Variants in EFR3B observed in about 807,000 individuals in gnomAD.
The protein encoded by EFR3B is protein EFR3 homolog B.
A neutral mutation model predicts 104.7 loss-of-function variants in EFR3B; 64 were observed. That is an observed-to-expected ratio of 0.61 (90% CI 0.50 to 0.75). The LOEUF is 0.75. Among genes scored for constraint, EFR3B ranks in the 30% least tolerant of loss-of-function variants. The pLI is 0.00. For synonymous variants in EFR3B, 385 were observed against 417.9 expected (o/e 0.92, Z 0.96); for missense variants, 750 against 1,078.5 (o/e 0.70, Z 4.27).
chr2:25,131,494 G>T lies in EFR3B; in HGVS notation c.976G>T (p.Gly326Cys). 1 of 1,549,460 alleles carries T rather than the reference G, an allele frequency of 6.5e-7. No individual in the cohort carries two copies. Residue 326 changes from glycine (G) to cysteine (C), a missense_variant, in exon 9 of 23, where the codon GGC (glycine) becomes TGC (cysteine). Transcript: ENST00000403714. This position sits in a 1 kb window ranked among gnomAD's most constrained non-coding sequence, Gnocchi z 7.6. Reference sequence around the variant, plus strand: ...GGAAGCCGCGGTCATCGCTGCCACCGGCTCTGTGGGTAAGGGGCATGGCTA... The same window carrying T: ...GGAAGCCGCGGTCATCGCTGCCACCTGCTCTGTGGGTAAGGGGCATGGCTA... ...LSEAAVIAAT[G>C]SVGPTVLEMF... is the part of the protein sequence containing the mutation.
intron 4 of EFR3B, among the ~76,000 whole-genome samples, chr2:25,104,193 C>CA (rs975446737): frequency 3.2e-4 from 48 of 148,602 alleles, no homozygotes; most frequent in South Asian, 4.3e-4. Context: ...ACTAAAAATA[C>CA]AAAAAAAAAC....
At chr2:25,048,011 C>T (rs747243114) in intron 1 of EFR3B, among the ~76,000 whole-genome samples, 2 of 151,854 alleles carry the variant, frequency 1.3e-5, no homozygotes, top group South Asian at 2.1e-4. Flanking sequence ...TTTGTTTAGA[C>T]GGTTGGAACC....
chr2:25,092,925 A>C (rs180694149), intron 2 of EFR3B, 78 bp from the exon 3 acceptor site: 1 of 1,495,968 alleles, frequency 6.7e-7, no homozygotes, highest in African/African-American at 1.4e-5. Flanking sequence ...GATTCCGTCG[A>C]ATTATTATTT....
At chr2:25,150,001 C>T (rs983262086) in intron 20 of EFR3B, among the ~76,000 whole-genome samples, 4 of 152,102 alleles carry the variant, frequency 2.6e-5, no homozygotes, top group Admixed American at 2.0e-4. Context: ...AAGACAGCTG[C>T]CTTTAAAAGT....
At chr2:25,062,549 A>G (rs1668224090) in intron 1 of EFR3B, among the ~76,000 whole-genome samples, 1 of 152,374 alleles carries the variant, frequency 6.6e-6, no homozygotes, top group South Asian at 2.1e-4. Flanking sequence ...CGGACGGTCA[A>G]GGGCCTGTGC....
chr2:25,080,645 C>G, intron 1 of EFR3B: 1 of 615,662 alleles, frequency 1.6e-6, no homozygotes, highest in Non-Finnish European at 2.9e-6. Context: ...GCACCATTTA[C>G]TAGACAGTCT....
intron 4 of EFR3B, 49 bp downstream of exon 4, chr2:25,103,836 G>A: frequency 1.9e-6 from 3 of 1,547,126 alleles, no homozygotes; most frequent in South Asian, 2.4e-5. Flanking sequence ...CATCCTGGGG[G>A]GTGGCAGGGG....
At chr2:25,104,901 G>T (rs1442109608) in intron 4 of EFR3B, among the ~76,000 whole-genome samples, 3 of 152,196 alleles carry the variant, frequency 2.0e-5, no homozygotes, top group Non-Finnish European at 2.9e-5. Context: ...TTTTGTTAGA[G>T]AAGAGCTATC....
Position 25,110,550 on chromosome 2 carries a change from G to T in EFR3B, c.363+6763G>T, listed in dbSNP as rs539158858. On this transcript the variant is annotated intron_variant, in intron 4 of 22. Transcript: ENST00000403714. The stretch of plus-strand genomic sequence containing the variant: ...CTTCTTCCTCTCCAAAGGGTTCCCA[G>T]CCCCTCCGGAGCCTCCCTGCATCCA... Among the ~76,000 whole-genome samples, 6 of 152,042 alleles carry T rather than the reference G, an allele frequency of 3.9e-5. No homozygotes were observed. In the South Asian group the frequency reaches 1.2e-3, roughly 32 times the overall value.
chr2:25,046,036 T>G (rs1300213786), intron 1 of EFR3B, among the ~76,000 whole-genome samples: 1 of 152,158 alleles, frequency 6.6e-6, no homozygotes, highest in African/African-American at 2.4e-5. Context: ...ATGCCTCTCG[T>G]CCCGCTTAGT....
At chr2:25,066,564 C>T (rs1191153789) in intron 1 of EFR3B, among the ~76,000 whole-genome samples, 1 of 152,204 alleles carries the variant, frequency 6.6e-6, no homozygotes, top group African/African-American at 2.4e-5. Flanking sequence ...ACTGATACTT[C>T]ATCTCCATGG....
intron 16 of EFR3B, 66 bp from the exon 17 acceptor site, chr2:25,141,300 T>C: frequency 6.6e-7 from 1 of 1,516,078 alleles, no homozygotes; most frequent in South Asian, 1.2e-5. Context: ...ATGGGAGCTC[T>C]TTCGTTGCCT....
chr2:25,127,086 G>A (rs1416274159), intron 5 of EFR3B, among the ~76,000 whole-genome samples: 3 of 150,464 alleles, frequency 2.0e-5, no homozygotes, highest in Non-Finnish European at 4.4e-5. Context: ...CAGCTACTCA[G>A]GAGGCCAAGG....
chr2:25,151,383 G>A (rs914991559), intron 20 of EFR3B, among the ~76,000 whole-genome samples: 1 of 151,992 alleles, frequency 6.6e-6, no homozygotes, highest in African/African-American at 2.4e-5. Context: ...AGCCTCCCAA[G>A]TAACTGAGAC....
chr2:25,047,653 C>A (rs1039501794), intron 1 of EFR3B, among the ~76,000 whole-genome samples: 1 of 152,006 alleles, frequency 6.6e-6, no homozygotes, highest in Non-Finnish European at 1.5e-5. Context: ...CGTGTGCCAC[C>A]ACACCTGGCT....
chr2:25,084,586 C>T (rs1159254415), intron 1 of EFR3B, among the ~76,000 whole-genome samples: 1 of 152,008 alleles, frequency 6.6e-6, no homozygotes, highest in Non-Finnish European at 1.5e-5. Flanking sequence ...GAGGACGTGC[C>T]CGTGACACAG....
At position 25,153,714 on chromosome 2, in the gene EFR3B, A is replaced by T. The variant is rs1398746697; in HGVS notation, c.2301A>T (p.Ala767=). Residue 767 remains alanine, a splice_region_variant and synonymous_variant, in exon 22 of 23, where the codon GCA becomes GCT. Transcript: ENST00000403714. Reference sequence around the variant, plus strand: ...CACTTCCGTGTGTTTGTGTCTAGGCATCGCTGCTCCAGAGCAAACTCAATC... The same window carrying T: ...CACTTCCGTGTGTTTGTGTCTAGGCTTCGCTGCTCCAGAGCAAACTCAATC... ...EEIAAHCGAR[A]SLLQSKLNQI... The T allele has an allele frequency of 6.4e-7, 1 of 1,551,562 alleles. No homozygotes were observed. Among genetic ancestry groups the T allele is most frequent in the African/African-American group, 1.4e-5 (1 of 73,040 alleles).
chr2:25,081,946 G>A (rs1668820105), intron 1 of EFR3B, among the ~76,000 whole-genome samples: 1 of 152,136 alleles, frequency 6.6e-6, no homozygotes, highest in South Asian at 2.1e-4. Context: ...ACCACCAATC[G>A]CCCTGAGTAG....
chr2:25,089,938 C>A (rs1030839482), intron 1 of EFR3B, among the ~76,000 whole-genome samples: 1 of 152,106 alleles, frequency 6.6e-6, no homozygotes, highest in South Asian at 2.1e-4. Context: ...ACATGCCCAT[C>A]CCCAAACCCA....
Sources: allele counts gnomAD v4.1 joint callset (sites outside exome capture counted in the v4.1 genomes callset), GRCh38; gene constraint gnomAD v4.1.1; non-coding constraint Gnocchi (gnomAD v3.1); transcripts MANE v1.5; gene names NCBI Gene and HGNC (gene_info 2026-07-23, HGNC 2026-07-21).